The following PAXIP1 variants were observed in gnomAD, a reference collection of about 807,000 sequenced individuals.
PAXIP1 encodes PAX interacting protein 1.
A neutral mutation model predicts 140.6 loss-of-function variants in PAXIP1; 19 were observed. The ratio of observed to expected loss-of-function variants is 0.14; its 90% CI spans 0.09 to 0.20. The LOEUF (loss-of-function observed/expected upper bound fraction) is 0.20, where lower values mean the gene tolerates loss of function less well. Ranked by LOEUF, PAXIP1 falls within the 10% of genes least tolerant of loss-of-function variation. The pLI is 1.00. For missense variants in PAXIP1, 920 were observed against 1,208.6 expected (o/e 0.76, Z 3.54); for synonymous variants, 442 against 444.6 (o/e 0.99, Z 0.07).
chr7:155,001,824 A>T (rs887234459), intron 1 of PAXIP1: 2 of 152,202 alleles, frequency 1.3e-5, no homozygotes, highest in African/African-American at 4.8e-5. Flanking sequence ...ACAGGGCAAA[A>T]AGGGTCCAAA....
intron 8 of PAXIP1, among the ~76,000 whole-genome samples, chr7:154,966,914 G>A (rs1292410159): frequency 2.6e-5 from 4 of 152,164 alleles, no homozygotes; most frequent in African/African-American, 9.6e-5. Context: ...GCACCCTCCT[G>A]TCAGTTTCAC....
Position 154,954,404 on chromosome 7 carries a change from C to T in PAXIP1, c.2672G>A (p.Gly891Glu), listed in dbSNP as rs1319547626. The change falls in exon 16 of 21, where the codon GGA (glycine) becomes GAA (glutamate). Residue 891 changes from glycine (G) to glutamate (E), a missense_variant. Physicochemically the swap from Gly to Glu is moderately conservative, Grantham distance 98. Transcript: ENST00000404141. This position sits in a 1 kb window ranked among gnomAD's most constrained non-coding sequence, Gnocchi z 5.1. ...QYIKKLYILGGEVAESAQKCT... is the reference protein window; with the variant it reads ...QYIKKLYILGEEVAESAQKCT... ...CTTCTGTGCAGACTCCGCAACCTCT[C>T]CACCAAGAATGTAGAGCTTCTAAAG... is the stretch of plus-strand genomic sequence containing the variant. 1.3e-6 allele frequency: 2 copies of T among 1,556,352 alleles called. No individual in the cohort carries two copies. The highest frequency in any genetic ancestry group is 2.7e-5 in the African/African-American group (2 of 73,294).
intron 5 of PAXIP1, among the ~76,000 whole-genome samples, chr7:154,980,544 A>G (rs1809792762): frequency 6.6e-6 from 1 of 151,844 alleles, no homozygotes; most frequent in South Asian, 2.1e-4. Context: ...CTTCCCAAGT[A>G]GCTAGGACCA....
chr7:154,955,843 C>G (rs1004185444), intron 14 of PAXIP1, among the ~76,000 whole-genome samples: 1 of 152,206 alleles, frequency 6.6e-6, no homozygotes, highest in Admixed American at 6.5e-5. Flanking sequence ...TTTGAAGCCT[C>G]CAAGGGAGGC....
In PAXIP1 at chr7:154,954,400, C is replaced by G; in HGVS notation, c.2676G>C (p.Glu892Asp). 1 of 1,564,008 alleles carries G rather than the reference C, an allele frequency of 6.4e-7. No homozygotes were observed. The highest frequency in any genetic ancestry group is 8.7e-7 in the Non-Finnish European group (1 of 1,147,158). Reference protein sequence around the residue: ...YIKKLYILGGEVAESAQKCTH... With the variant: ...YIKKLYILGGDVAESAQKCTH... Reference sequence around the variant, plus strand: ...TGCACTTCTGTGCAGACTCCGCAACCTCTCCACCAAGAATGTAGAGCTTCT... The same window carrying G: ...TGCACTTCTGTGCAGACTCCGCAACGTCTCCACCAAGAATGTAGAGCTTCT... Residue 892 changes from glutamate (E) to aspartate (D), a missense_variant, in exon 16 of 21, where the codon GAG becomes GAC. Transcript: ENST00000404141. The surrounding 1 kb of genome is among the most constrained non-coding windows in gnomAD (Gnocchi z 5.1).
At chr7:154,955,843 C>T (rs1004185444) in intron 14 of PAXIP1, among the ~76,000 whole-genome samples, 3 of 152,206 alleles carry the variant, frequency 2.0e-5, no homozygotes, top group Middle Eastern at 3.2e-3. Flanking sequence ...TTTGAAGCCT[C>T]CAAGGGAGGC....
chr7:154,997,109 G>A (rs1332140482), intron 2 of PAXIP1, among the ~76,000 whole-genome samples: 1 of 152,204 alleles, frequency 6.6e-6, no homozygotes, highest in Non-Finnish European at 1.5e-5. Context: ...CCAAAGAAGA[G>A]GGTGCCCCAG....
chr7:154,953,187 C>G (rs1002288255), intron 16 of PAXIP1, among the ~76,000 whole-genome samples: 4 of 152,170 alleles, frequency 2.6e-5, no homozygotes, highest in Admixed American at 6.5e-5. Flanking sequence ...CCCCTGCAGG[C>G]CTTGCTTGCT....
At chr7:154,958,575 T>C (rs1168103064) in intron 13 of PAXIP1, among the ~76,000 whole-genome samples, 3 of 152,206 alleles carry the variant, frequency 2.0e-5, no homozygotes, top group Non-Finnish European at 1.5e-5. Flanking sequence ...TTATAGCCTT[T>C]ATAAGAAAGC....
At chr7:154,975,553 CACAA>C (rs1809532287) in intron 6 of PAXIP1, 139 bp downstream of exon 6, 3 of 562,410 alleles carry the variant, frequency 5.3e-6, no homozygotes, top group East Asian at 3.0e-5. Flanking sequence ...CACACACACA[CACAA>C]GTAAACAGGT....
At chr7:154,983,383 T>G (rs183371894) in intron 4 of PAXIP1, 51 bp from the exon 5 acceptor site, 494 of 842,216 alleles carry the variant, frequency 5.9e-4, no homozygotes, top group Non-Finnish European at 8.6e-4. Context: ...AATCTGTGCA[T>G]GGCTATATTT....
chr7:154,967,051 A>C (rs1809058722), intron 8 of PAXIP1, among the ~76,000 whole-genome samples: 1 of 152,110 alleles, frequency 6.6e-6, no homozygotes. Context: ...ACATCACCCC[A>C]CAACACGATG....
At chr7:154,972,025 C>T (rs1458828529) in intron 6 of PAXIP1, among the ~76,000 whole-genome samples, 1 of 152,218 alleles carries the variant, frequency 6.6e-6, no homozygotes, top group Admixed American at 6.5e-5. Context: ...CTAGAGCACA[C>T]AGCTGAGTAT....
chr7:154,944,008 C>A lies in PAXIP1; in HGVS notation c.*141G>T. The A allele has an allele frequency of 2.7e-6, 2 of 748,802 alleles. No individual in the cohort carries two copies. Among genetic ancestry groups the A allele is most frequent in the South Asian group, 3.0e-5 (2 of 67,388 alleles). The allele number at this position is 748,802 out of a possible 1,614,324, so 46.4% of individuals were successfully genotyped here. On this transcript the variant is annotated 3_prime_UTR_variant, in exon 21 of 21. Transcript: ENST00000404141. ...AAAAGATGCAGTATATTTATTATAT[C>A]TGTCTTCCTGCTTCACAGTCTGATC...
At chr7:154,951,807 G>A (rs1468240368) in intron 16 of PAXIP1, 4 of 152,162 alleles carry the variant, frequency 2.6e-5, no homozygotes, top group African/African-American at 9.7e-5. Flanking sequence ...GAATTAGCAT[G>A]TTCTTGGTTG....
chr7:154,966,567 G>T (rs115692737), intron 8 of PAXIP1, among the ~76,000 whole-genome samples: 1,647 of 152,236 alleles, frequency 0.011, 33 homozygotes, highest in African/African-American at 0.037. Flanking sequence ...ACTAACTTTT[G>T]TATCTTTGAG....
Position 154,943,799 on chromosome 7 carries a change from A to G in PAXIP1, c.*350T>C, listed in dbSNP as rs1045438708. The G allele has an allele frequency of 1.3e-5, 3 of 232,788 alleles. No homozygotes were observed. Among genetic ancestry groups the G allele is most frequent in the Non-Finnish European group, 1.7e-5 (2 of 116,730 alleles). 14.4% of individuals were successfully genotyped at this position (232,788 alleles called of 1,614,324 possible). On this transcript the variant is annotated 3_prime_UTR_variant, in exon 21 of 21. Coordinates refer to ENST00000404141, the MANE Select transcript of PAXIP1 (RefSeq NM_007349.4). ...GTACAAAACATTTCAAATCTTTAAC[A>G]TCCATAATTTAGAGATAGCAAGGTC... is the stretch of plus-strand genomic sequence containing the variant.
intron 5 of PAXIP1, among the ~76,000 whole-genome samples, chr7:154,976,759 G>C (rs952925854): frequency 1.3e-5 from 2 of 152,132 alleles, no homozygotes; most frequent in Non-Finnish European, 2.9e-5. Flanking sequence ...AATGCATCAC[G>C]TACACTCATG....
intron 2 of PAXIP1, among the ~76,000 whole-genome samples, chr7:154,996,104 C>T (rs1810595588): frequency 6.6e-6 from 1 of 152,126 alleles, no homozygotes; most frequent in Non-Finnish European, 1.5e-5. Context: ...TCTAGGGAAC[C>T]AGGTCTCAGC....
Sources: gnomAD v4.1 joint callset for allele counts (sites outside exome capture counted in the v4.1 genomes callset) on GRCh38, gnomAD v4.1.1 for gene constraint, Gnocchi (gnomAD v3.1) non-coding constraint, MANE v1.5 for transcripts, NCBI Gene and HGNC (gene_info 2026-07-23, HGNC 2026-07-21) for gene names.